NEK9: variants seen among roughly 807,000 people sequenced by gnomAD.
NEK9 encodes the protein serine/threonine-protein kinase Nek9.
A neutral mutation model predicts 123.4 loss-of-function variants in NEK9; 75 were observed. The observed-to-expected ratio is 0.61, with a 90% CI of 0.50 to 0.74. NEK9 has a LOEUF of 0.74. Among genes scored for constraint, NEK9 ranks in the 30% least tolerant of loss-of-function variants. The pLI, the probability that NEK9 is intolerant of heterozygous loss-of-function variation, is 0.00. For missense variants in NEK9, 952 were observed against 1,214.4 expected, an observed-to-expected ratio of 0.78 and a Z score of 3.21; for synonymous variants, 438 against 458.7, an observed-to-expected ratio of 0.95 and a Z score of 0.58.
chr14:75,096,884 A>T, intron 17 of NEK9: 1 of 401,632 alleles, frequency 2.5e-6, no homozygotes, highest in Non-Finnish European at 4.4e-6. Context: ...GCCCAAACTT[A>T]TATTAAAAAA....
At chr14:75,114,417 G>T in intron 6 of NEK9, 104 bp from the exon 7 acceptor site, 1 of 873,032 alleles carries the variant, frequency 1.1e-6, no homozygotes, top group Non-Finnish European at 1.9e-6. Flanking sequence ...TAAAGAATTG[G>T]CAATAGGTCT....
intron 2 of NEK9, among the ~76,000 whole-genome samples, chr14:75,123,671 A>C (rs1895417570): frequency 6.6e-6 from 1 of 152,218 alleles, no homozygotes; most frequent in African/African-American, 2.4e-5. Context: ...TTAGCTGAAG[A>C]CAATATAAAT....
intron 1 of NEK9, 93 bp from the exon 2 acceptor site, chr14:75,124,316 T>C: frequency 8.8e-7 from 1 of 1,139,152 alleles, no homozygotes; most frequent in Non-Finnish European, 1.3e-6. Flanking sequence ...GAAAACTTCC[T>C]AGAGGGGCAC....
At chr14:75,111,783 C>G (rs1041998896) in intron 8 of NEK9, among the ~76,000 whole-genome samples, 18 of 151,978 alleles carry the variant, frequency 1.2e-4, no homozygotes, top group African/African-American at 4.4e-4. Flanking sequence ...CCCAGCTACC[C>G]GAGAGGCTAA....
intron 12 of NEK9, chr14:75,106,247 T>A (rs545624164): frequency 8.7e-5 from 51 of 586,088 alleles, no homozygotes; most frequent in South Asian, 7.8e-4. Flanking sequence ...TAATCCCAGC[T>A]ACTCGGGAGG....
At position 75,101,061 on chromosome 14, in the gene NEK9, C is replaced by T; in HGVS notation, c.1933G>A (p.Gly645Arg). Reference sequence around the variant, plus strand: ...ATCACTTGCTTCCCACCAAGGGGTCCCCCCAACAGGTTGATTCCCAGACGC... The same window carrying T: ...ATCACTTGCTTCCCACCAAGGGGTCTCCCCAACAGGTTGATTCCCAGACGC... Reference protein sequence around the residue: ...KKRLGINLLGGPLGGKQVIRV... With the variant: ...KKRLGINLLGRPLGGKQVIRV... The change falls in exon 16 of 22, where the codon GGA (glycine) becomes AGA (arginine). Residue 645 changes from glycine to arginine, a missense_variant. By Grantham distance (125) the Gly-to-Arg change is moderately radical (BLOSUM62 -2). This residue lies in a region of NEK9 where 698 missense variants were observed against 875.6 expected (regional missense o/e 0.80). Coordinates refer to ENST00000238616, the MANE Select transcript of NEK9 (RefSeq NM_033116.6). 1 of 1,614,216 alleles carries T rather than the reference C, an allele frequency of 6.2e-7. No homozygotes were observed. Among genetic ancestry groups the T allele is most frequent in the Non-Finnish European group, 8.5e-7 (1 of 1,180,032 alleles).
intron 18 of NEK9, among the ~76,000 whole-genome samples, chr14:75,093,976 C>T (rs977600144): frequency 7.2e-5 from 11 of 152,196 alleles, no homozygotes; most frequent in Non-Finnish European, 1.5e-4. Context: ...AATCCCTGCT[C>T]TTCCTCGAGT....
chr14:75,113,444 T>C (rs1895021851), intron 7 of NEK9, 41 bp from the exon 8 acceptor site: 1 of 1,422,242 alleles, frequency 7.0e-7, no homozygotes, highest in Non-Finnish European at 9.9e-7. Flanking sequence ...TTAATGGAAA[T>C]GGGCGACATC....
intron 11 of NEK9, among the ~76,000 whole-genome samples, 172 bp from the exon 12 acceptor site, chr14:75,106,874 G>C (rs772011965): frequency 6.6e-6 from 1 of 152,188 alleles, no homozygotes; most frequent in Non-Finnish European, 1.5e-5. Context: ...ATGTCAGAGA[G>C]TCATGTGTAC....
At chr14:75,112,154 G>T (rs994347095) in intron 8 of NEK9, among the ~76,000 whole-genome samples, 3 of 152,144 alleles carry the variant, frequency 2.0e-5, no homozygotes, top group African/African-American at 7.2e-5. Flanking sequence ...TGATGAAACA[G>T]CAAATATGCA....
chr14:75,108,373 GC>G (rs1894847180), intron 10 of NEK9, among the ~76,000 whole-genome samples: 1 of 151,786 alleles, frequency 6.6e-6, no homozygotes. Flanking sequence ...TGATCCACTC[GC>G]CTCGGCCTCC....
intron 12 of NEK9, 23 bp from the exon 13 acceptor site, chr14:75,106,019 A>G: frequency 6.2e-7 from 1 of 1,602,290 alleles, no homozygotes; most frequent in South Asian, 1.1e-5. Flanking sequence ...TAAGAATGAA[A>G]ATCATTATAA....
Position 75,086,881 on chromosome 14 carries a change from G to C in NEK9, c.2817+137C>G, listed in dbSNP as rs768819953. ...AGATAGCACCACTGCACTCTGGCCTGGCAACAGAGCGAGACTCCGTCTCAA... is the reference window on the plus strand; with the variant it reads ...AGATAGCACCACTGCACTCTGGCCTCGCAACAGAGCGAGACTCCGTCTCAA... On this transcript the variant is annotated intron_variant, in intron 21 of 21. Coordinates refer to ENST00000238616, the MANE Select transcript of NEK9 (RefSeq NM_033116.6). The C allele has an allele frequency of 1.5e-4, 126 of 860,762 alleles. No homozygotes were observed. The Middle Eastern group carries it at 3.6e-3, about 24-fold the overall frequency. The allele number at this position is 860,762 out of a possible 1,614,324, so 53.3% of individuals were successfully genotyped here. A position where few individuals can be genotyped will look rare whatever the true frequency, so the allele number is the denominator to read the frequency against.
In NEK9 at chr14:75,097,216, G is replaced by A; in HGVS notation, c.2057C>T (p.Pro686Leu). Residue 686 changes from proline (P) to leucine (L), a missense_variant, in exon 17 of 22, where the codon CCC (proline) becomes CTC (leucine). Transcript: ENST00000238616. Reference protein sequence around the residue: ...NGGNGRLAMTPTERPHGSDIC... With the variant: ...NGGNGRLAMTLTERPHGSDIC... ...ATCAGAGCCATGTGGTCTCTCTGTG[G>A]GGGTCATTGCCAGGCGGCCATTACC... The A allele has an allele frequency of 6.2e-7, 1 of 1,611,908 alleles. No homozygotes were observed. Among genetic ancestry groups the A allele is most frequent in the South Asian group, 1.1e-5 (1 of 90,814 alleles).
At chr14:75,106,787 T>C in intron 11 of NEK9, 85 bp from the exon 12 acceptor site, 3 of 981,082 alleles carry the variant, frequency 3.1e-6, no homozygotes, top group Non-Finnish European at 4.6e-6. Flanking sequence ...GAATGAGGAC[T>C]ACCCCAGCAA....
At chr14:75,086,798 C>T (rs1034116111) in intron 21 of NEK9, 62 of 479,142 alleles carry the variant, frequency 1.3e-4, no homozygotes, top group African/African-American at 8.2e-4. Context: ...CCCAGCTACT[C>T]GGGAGGCTGA....
chr14:75,098,314 C>CT (rs1210327511), intron 16 of NEK9, among the ~76,000 whole-genome samples: 3 of 151,904 alleles, frequency 2.0e-5, no homozygotes, highest in Non-Finnish European at 4.4e-5. Context: ...CCAAATCAGG[C>CT]TTTTAAAAAA....
chr14:75,104,820 A>G (rs1361114221), intron 13 of NEK9, among the ~76,000 whole-genome samples: 1 of 152,232 alleles, frequency 6.6e-6, no homozygotes, highest in Non-Finnish European at 1.5e-5. Flanking sequence ...AAGTTTTACA[A>G]TATCAAAGAA....
intron 8 of NEK9, among the ~76,000 whole-genome samples, chr14:75,111,022 T>C (rs181769810): frequency 2.7e-4 from 41 of 152,298 alleles, no homozygotes; most frequent in Middle Eastern, 3.4e-3. Context: ...GTCTTAATCA[T>C]TTTACTATAC....
Sources: allele counts gnomAD v4.1 joint callset (sites outside exome capture counted in the v4.1 genomes callset), GRCh38; gene constraint gnomAD v4.1.1; regional missense constraint gnomAD v4.1.1; transcripts MANE v1.5; gene names NCBI Gene and HGNC (gene_info 2026-07-23, HGNC 2026-07-21).